HHAT: variants seen among roughly 807,000 people sequenced by gnomAD.
HHAT encodes protein-cysteine N-palmitoyltransferase HHAT.
In HHAT, 47 loss-of-function variants were observed where a neutral mutation model predicts 70.8. The ratio of observed to expected loss-of-function variants is 0.66; its 90% confidence interval spans 0.53 to 0.85. The LOEUF (loss-of-function observed/expected upper bound fraction) is 0.85, where lower values mean the gene tolerates loss of function less well. Ranked by LOEUF, HHAT falls within the 40% of genes least tolerant of loss-of-function variation. The probability of loss-of-function intolerance (pLI) is 0.00; values close to 1 mark genes in which losing one functional copy is unlikely to be tolerated. For missense variants in HHAT, 609 were observed against 604.8 expected, an observed-to-expected ratio of 1.01 and a Z score of -0.07; for synonymous variants, 228 against 247.6, an observed-to-expected ratio of 0.92 and a Z score of 0.74.
chr1:210,554,679 G>A (rs2095557205), intron 9 of HHAT, among the ~76,000 whole-genome samples: 1 of 152,270 alleles, frequency 6.6e-6, no homozygotes, highest in East Asian at 1.9e-4. Flanking sequence ...CTCTAAACCA[G>A]GAAAGTGGGG....
intron 9 of HHAT, among the ~76,000 whole-genome samples, chr1:210,539,667 T>C (rs893213889): frequency 2.0e-5 from 3 of 152,134 alleles, no homozygotes; most frequent in African/African-American, 7.2e-5. Flanking sequence ...AGTCTGGCAA[T>C]GTGTAAACTG....
intron 7 of HHAT, among the ~76,000 whole-genome samples, chr1:210,435,872 T>C (rs1157401427): frequency 6.6e-6 from 1 of 151,882 alleles, no homozygotes; most frequent in Non-Finnish European, 1.5e-5. Context: ...ATTAATCTTT[T>C]GTTAGATAGT....
chr1:210,514,600 G>A (rs1342904191), intron 9 of HHAT, among the ~76,000 whole-genome samples: 2 of 152,088 alleles, frequency 1.3e-5, no homozygotes, highest in Admixed American at 6.6e-5. Context: ...TGAGGTCAGC[G>A]ATCATGTCTT....
intron 7 of HHAT, among the ~76,000 whole-genome samples, chr1:210,458,779 A>G (rs143600661): frequency 1.3e-5 from 2 of 152,296 alleles, no homozygotes; most frequent in Admixed American, 1.3e-4. Flanking sequence ...TTAGCCGCTC[A>G]TTTGTGGAAT....
chr1:210,543,846 A>G (rs193122117), intron 9 of HHAT, among the ~76,000 whole-genome samples: 92 of 152,244 alleles, frequency 6.0e-4, no homozygotes, highest in Non-Finnish European at 1.0e-3. Context: ...CTCTCTGCCC[A>G]TAGGGATAAA....
chr1:210,534,242 G>A (rs750692681), intron 9 of HHAT, among the ~76,000 whole-genome samples: 4 of 152,150 alleles, frequency 2.6e-5, no homozygotes, highest in Non-Finnish European at 5.9e-5. Flanking sequence ...AGCCTGTCGA[G>A]TTTTCTTTTC....
At chr1:210,393,540 C>T (rs2294842) in intron 4 of HHAT, among the ~76,000 whole-genome samples, 3,626 of 151,944 alleles carry the variant, frequency 0.024, 61 homozygotes, top group Middle Eastern at 0.062. Flanking sequence ...TCTCACCTGC[C>T]GTTCTGGTCT....
chr1:210,448,844 G>A (rs943788321), intron 7 of HHAT, among the ~76,000 whole-genome samples: 1 of 152,126 alleles, frequency 6.6e-6, no homozygotes, highest in East Asian at 1.9e-4. Context: ...TCTAGATAAG[G>A]TGGACCTGAC....
rs12042587 is a variant in HHAT, at chr1:210,434,847, A to C, written c.856+16522A>C. On this transcript the variant is annotated intron_variant, in intron 7 of 11. Transcript: ENST00000261458. ...TTTAGAGCTAATTTTTATGTTTTTC[A>C]TTAAGAAAACTTTTTAACTTGTAAA... Among the ~76,000 whole-genome samples the C allele has an allele frequency of 3.9e-5, 6 of 152,056 alleles. No individual in the cohort carries two copies. The East Asian group carries it at 1.2e-3, about 29-fold the overall frequency.
chr1:210,392,851 C>T (rs1190205906), intron 4 of HHAT, among the ~76,000 whole-genome samples: 1 of 152,136 alleles, frequency 6.6e-6, no homozygotes, highest in African/African-American at 2.4e-5. Context: ...ATATTAATAA[C>T]CTGTTCCTGA....
intron 9 of HHAT, among the ~76,000 whole-genome samples, chr1:210,544,152 A>G (rs995372731): frequency 1.6e-4 from 24 of 152,108 alleles, no homozygotes; most frequent in African/African-American, 5.8e-4. Flanking sequence ...CGTGCCCTCT[A>G]TTCACCCACT....
At chr1:210,472,076 T>A (rs2094214966) in intron 8 of HHAT, among the ~76,000 whole-genome samples, 1 of 152,162 alleles carries the variant, frequency 6.6e-6, no homozygotes, top group Admixed American at 6.5e-5. Context: ...TGTAATAAGA[T>A]CAGATAACAT....
At chr1:210,650,403 A>C (rs139556754) in intron 11 of HHAT, among the ~76,000 whole-genome samples, 2,576 of 152,288 alleles carry the variant, frequency 0.017, 35 homozygotes, top group Middle Eastern at 0.031. Context: ...AGGATAGGAC[A>C]TCTTACTCCT....
chr1:210,464,892 A>G (rs1294342941), intron 8 of HHAT, among the ~76,000 whole-genome samples: 1 of 152,178 alleles, frequency 6.6e-6, no homozygotes, highest in African/African-American at 2.4e-5. Flanking sequence ...GAGTCTGTGT[A>G]CCGATGCACA....
intron 9 of HHAT, 139 bp downstream of exon 9, chr1:210,513,327 A>G (rs1232758292): frequency 1.9e-6 from 1 of 521,780 alleles, no homozygotes; most frequent in East Asian, 3.3e-5. Flanking sequence ...TGCTAACACT[A>G]TGGTTTTTTC....
At chr1:210,422,279 A>AT (rs1467445202) in intron 7 of HHAT, among the ~76,000 whole-genome samples, 2 of 152,228 alleles carry the variant, frequency 1.3e-5, no homozygotes, top group African/African-American at 4.8e-5. Context: ...TGTTGGGAAC[A>AT]TTCAGTATTT....
intron 3 of HHAT, among the ~76,000 whole-genome samples, chr1:210,365,865 C>T (rs2088901495): frequency 6.6e-6 from 1 of 151,582 alleles, no homozygotes; most frequent in Non-Finnish European, 1.5e-5. Flanking sequence ...ATCCACCTGC[C>T]TCAGCCTCTC....
At chr1:210,548,294 G>T (rs1224652788) in intron 9 of HHAT, among the ~76,000 whole-genome samples, 3 of 152,210 alleles carry the variant, frequency 2.0e-5, no homozygotes, top group Non-Finnish European at 4.4e-5. Context: ...CCTGGACAAG[G>T]CCCAGTGCTT....
At chr1:210,372,055 T>C (rs2089617123) in intron 3 of HHAT, among the ~76,000 whole-genome samples, 1 of 152,238 alleles carries the variant, frequency 6.6e-6, no homozygotes, top group African/African-American at 2.4e-5. Context: ...AACAAGTTTA[T>C]ACTCTATTTG....
Sources: allele counts gnomAD v4.1 joint callset (sites outside exome capture counted in the v4.1 genomes callset), GRCh38; gene constraint gnomAD v4.1.1; transcripts MANE v1.5; gene names NCBI Gene and HGNC (gene_info 2026-07-23, HGNC 2026-07-21).